The following SV2C variants were observed in gnomAD, a reference collection of about 807,000 sequenced individuals.
The protein encoded by SV2C is synaptic vesicle glycoprotein 2C.
A neutral mutation model predicts 79.7 loss-of-function variants in SV2C; 49 were observed. That is an observed-to-expected ratio of 0.61 (90% CI 0.49 to 0.78). The LOEUF (loss-of-function observed/expected upper bound fraction) is 0.78. Among genes scored for constraint, SV2C ranks in the 30% least tolerant of loss-of-function variants. The pLI is 0.00. For missense variants in SV2C, 833 were observed against 912.9 expected (o/e 0.91, Z 1.13); for synonymous variants, 334 against 333.2 (o/e 1.00, Z -0.03).
chr5:76,344,221 T>C (rs1749495223), intron 12 of SV2C, among the ~76,000 whole-genome samples: 2 of 152,212 alleles, frequency 1.3e-5, no homozygotes, highest in South Asian at 4.1e-4. Context: ...ATAAGTATGA[T>C]TTTAAGTGCC....
At chr5:75,862,892 C>T in the SV2C span, among the ~76,000 whole-genome samples, 3 of 152,278 alleles carry the variant, frequency 2.0e-5, no homozygotes, top group South Asian at 4.1e-4. Context: ...GAACAATTTC[C>T]ATGCTGTGCG....
At chr5:75,857,425 T>C in the SV2C span, among the ~76,000 whole-genome samples, 2 of 152,116 alleles carry the variant, frequency 1.3e-5, no homozygotes, top group Non-Finnish European at 2.9e-5. Context: ...CTGTAAATGT[T>C]TGGTTTTATT....
intron 4 of SV2C, among the ~76,000 whole-genome samples, chr5:76,257,376 G>A (rs1158953608): frequency 6.6e-6 from 1 of 151,216 alleles, no homozygotes; most frequent in Non-Finnish European, 1.5e-5. Flanking sequence ...GTGTTGGGGT[G>A]TGGGGGGTGC....
At chr5:76,020,488 T>C in the SV2C span, among the ~76,000 whole-genome samples, 4 of 152,170 alleles carry the variant, frequency 2.6e-5, no homozygotes, top group South Asian at 4.1e-4. Context: ...GGTCGCATGA[T>C]CATTCGAAGC....
intron 2 of SV2C, among the ~76,000 whole-genome samples, chr5:76,185,837 C>T (rs762602576): frequency 7.9e-5 from 12 of 152,314 alleles, no homozygotes; most frequent in African/African-American, 2.6e-4. Context: ...GAATTCAGCT[C>T]CTGTTACTTA....
chr5:76,086,753 GT>G (rs1747213344), intron 1 of SV2C, among the ~76,000 whole-genome samples: 1 of 152,268 alleles, frequency 6.6e-6, no homozygotes, highest in South Asian at 2.1e-4. Flanking sequence ...GAATTTGGAG[GT>G]TTTTTCTTTA....
chr5:76,312,754 C>A (rs991274507), intron 12 of SV2C, among the ~76,000 whole-genome samples: 1 of 152,184 alleles, frequency 6.6e-6, no homozygotes, highest in Non-Finnish European at 1.5e-5. Context: ...CCCCTTATGC[C>A]CCCTTATGCA....
At chr5:76,303,063 T>C (rs1010414584) in intron 12 of SV2C, among the ~76,000 whole-genome samples, 1 of 152,194 alleles carries the variant, frequency 6.6e-6, no homozygotes, top group African/African-American at 2.4e-5. Context: ...TTACTGAGCT[T>C]GCAGAACCCT....
At chr5:76,132,377 G>A (rs771346982) in intron 2 of SV2C, 47 bp downstream of exon 2, 2 of 1,505,442 alleles carry the variant, frequency 1.3e-6, no homozygotes, top group Non-Finnish European at 1.8e-6. Context: ...TGGCTTATTT[G>A]TTAAGCACAG....
At chr5:75,920,992 C>T in the SV2C span, 1 of 705,526 alleles carries the variant, frequency 1.4e-6, no homozygotes. Flanking sequence ...CTGTGTGCTC[C>T]CCGTGCGAGT....
chr5:76,220,933 T>G (rs1467823394), intron 4 of SV2C, among the ~76,000 whole-genome samples: 1 of 152,212 alleles, frequency 6.6e-6, no homozygotes, highest in African/African-American at 2.4e-5. Context: ...TTGAATCTCA[T>G]TGGCCAGAAT....
At chr5:76,276,345 A>G (rs187204472) in intron 4 of SV2C, among the ~76,000 whole-genome samples, 30 of 152,360 alleles carry the variant, frequency 2.0e-4, no homozygotes, top group African/African-American at 7.0e-4. Flanking sequence ...GTTATCACCC[A>G]TCAGCCTTTG....
chr5:76,115,652 T>C (rs1323939567), intron 1 of SV2C, among the ~76,000 whole-genome samples: 1 of 152,230 alleles, frequency 6.6e-6, no homozygotes, highest in Non-Finnish European at 1.5e-5. Context: ...AGAGCAGGGA[T>C]AATGAGATCT....
chr5:75,969,582 T>C, the SV2C span, among the ~76,000 whole-genome samples: 1 of 152,290 alleles, frequency 6.6e-6, no homozygotes, highest in Middle Eastern at 3.4e-3. Context: ...AAGAAGGCCA[T>C]TACATAATGG....
intron 1 of SV2C, among the ~76,000 whole-genome samples, chr5:76,120,873 G>A (rs1484182575): frequency 2.0e-5 from 3 of 150,958 alleles, no homozygotes; most frequent in African/African-American, 7.4e-5. Context: ...AGTCCTTTGG[G>A]TATATACCCA....
chr5:76,134,956 A>C, intron 2 of SV2C, among the ~76,000 whole-genome samples: 1 of 152,198 alleles, frequency 6.6e-6, no homozygotes, highest in East Asian at 1.9e-4. Context: ...GTAATGGAGA[A>C]ATCACAAATG....
At chr5:76,227,195 G>A (rs1199691009) in intron 4 of SV2C, among the ~76,000 whole-genome samples, 1 of 152,130 alleles carries the variant, frequency 6.6e-6, no homozygotes. Context: ...ACTGCATGAC[G>A]GCCTGTACTG....
chr5:76,235,477 T>C (rs1745582673), intron 4 of SV2C, among the ~76,000 whole-genome samples: 1 of 152,202 alleles, frequency 6.6e-6, no homozygotes, highest in South Asian at 2.1e-4. Flanking sequence ...AGTATATTTA[T>C]AGAGAGATTG....
intron 1 of SV2C, among the ~76,000 whole-genome samples, chr5:76,094,636 G>A (rs941336660): frequency 6.6e-6 from 1 of 152,090 alleles, no homozygotes; most frequent in Non-Finnish European, 1.5e-5. Context: ...ACATCCTTGT[G>A]CATGTTTTGC....
Sources: gnomAD v4.1 joint callset for allele counts (sites outside exome capture counted in the v4.1 genomes callset) on GRCh38, gnomAD v4.1.1 for gene constraint, MANE v1.5 for transcripts, NCBI Gene and HGNC (gene_info 2026-07-23, HGNC 2026-07-21) for gene names.